Variants in PCDHA13 observed in about 807,000 individuals in gnomAD.
PCDHA13 encodes the protein protocadherin alpha-13.
Under a neutral mutation model 64.8 loss-of-function variants are expected in PCDHA13, and 54 were observed. The observed-to-expected ratio is 0.83, with a 90% confidence interval of 0.67 to 1.04. The LOEUF is 1.04. Ranked by LOEUF, PCDHA13 falls within the 50% of genes least tolerant of loss-of-function variation. The probability of loss-of-function intolerance (pLI) is 0.00; values close to 1 mark genes in which losing one functional copy is unlikely to be tolerated. For missense variants in PCDHA13, 1,248 were observed against 1,254.3 expected (o/e 0.99, Z 0.08); for synonymous variants, 587 against 564.4 (o/e 1.04, Z -0.57).
chr5:140,964,701 C>T (rs1228970267), intron 1 of PCDHA13, among the ~76,000 whole-genome samples: 2 of 151,776 alleles, frequency 1.3e-5, no homozygotes, highest in Non-Finnish European at 2.9e-5. Context: ...GAGATTAAGG[C>T]CTCCGAGATC....
intron 1 of PCDHA13, among the ~76,000 whole-genome samples, chr5:140,901,055 A>G (rs1454535703): frequency 6.6e-6 from 1 of 152,088 alleles, no homozygotes; most frequent in African/African-American, 2.4e-5. Context: ...AAATTAGATT[A>G]TTAGATTTTT....
chr5:140,976,888 A>G (rs1050816491), intron 1 of PCDHA13, among the ~76,000 whole-genome samples: 1 of 152,218 alleles, frequency 6.6e-6, no homozygotes, highest in African/African-American at 2.4e-5. Context: ...ATTAGGATAC[A>G]TGCAACAGTA....
At chr5:140,950,429 T>G (rs1339598073) in intron 1 of PCDHA13, among the ~76,000 whole-genome samples, 1 of 151,896 alleles carries the variant, frequency 6.6e-6, no homozygotes, top group Admixed American at 6.6e-5. Context: ...TTCTTCCACT[T>G]AAAAAAAATG....
At chr5:140,941,204 T>TTTCC (rs1348435161) in intron 1 of PCDHA13, among the ~76,000 whole-genome samples, 2 of 88,662 alleles carry the variant, frequency 2.3e-5, no homozygotes, top group Non-Finnish European at 4.4e-5. Flanking sequence ...TCTTTCTTCC[T>TTTCC]TTCTTTCTTC....
chr5:140,925,641 TATAATA>T (rs10569930), intron 1 of PCDHA13, among the ~76,000 whole-genome samples: 8,694 of 143,320 alleles, frequency 0.061, 267 homozygotes, highest in Non-Finnish European at 0.068. Flanking sequence ...GAACTTAAAG[TATAATA>T]ATAATAATAA....
intron 3 of PCDHA13, among the ~76,000 whole-genome samples, chr5:141,003,809 G>C (rs1554259330): frequency 6.6e-6 from 1 of 152,290 alleles, no homozygotes; most frequent in African/African-American, 2.4e-5. Flanking sequence ...GTAATCTGTA[G>C]TCTGGGAAGG....
At chr5:140,982,186 C>G (rs547938149) in intron 2 of PCDHA13, among the ~76,000 whole-genome samples, 34 of 152,372 alleles carry the variant, frequency 2.2e-4, no homozygotes, top group African/African-American at 7.7e-4. Context: ...CTCTGATGGG[C>G]TTCCTGTTAG....
intron 1 of PCDHA13, among the ~76,000 whole-genome samples, chr5:140,890,478 G>A (rs1358799219): frequency 1.3e-5 from 2 of 151,984 alleles, no homozygotes; most frequent in Non-Finnish European, 2.9e-5. Flanking sequence ...TTTTTTGTGC[G>A]TTATTTTTGT....
At chr5:140,993,468 AC>A (rs2097564676) in intron 3 of PCDHA13, among the ~76,000 whole-genome samples, 1 of 69,412 alleles carries the variant, frequency 1.4e-5, no homozygotes, top group South Asian at 5.5e-4. Context: ...TTTCTCACAC[AC>A]ACACACACAC....
chr5:140,978,150 C>T (rs1009630892), intron 1 of PCDHA13, among the ~76,000 whole-genome samples: 2 of 152,286 alleles, frequency 1.3e-5, no homozygotes, highest in South Asian at 4.2e-4. Context: ...TTGTTCTCCC[C>T]CTTCAGACTG....
chr5:140,907,109 C>T (rs6883830), intron 1 of PCDHA13, among the ~76,000 whole-genome samples: 5,598 of 152,160 alleles, frequency 0.037, 292 homozygotes, highest in African/African-American at 0.12. Flanking sequence ...CCACTTCCAC[C>T]CCTTGATTCC....
chr5:141,006,689 G>A (rs1249412460), intron 3 of PCDHA13, among the ~76,000 whole-genome samples: 2 of 152,072 alleles, frequency 1.3e-5, no homozygotes, highest in Non-Finnish European at 2.9e-5. Context: ...TGGGAGAAGA[G>A]GACAGAGTCA....
chr5:140,940,790 A>G (rs1337945408), intron 1 of PCDHA13, among the ~76,000 whole-genome samples: 3 of 152,176 alleles, frequency 2.0e-5, no homozygotes, highest in African/African-American at 7.2e-5. Context: ...TATCCTGAAA[A>G]TGATATTTGC....
At chr5:141,006,222 T>C (rs1463720721) in intron 3 of PCDHA13, among the ~76,000 whole-genome samples, 1 of 152,098 alleles carries the variant, frequency 6.6e-6, no homozygotes, top group Non-Finnish European at 1.5e-5. Flanking sequence ...TTTTAAATTT[T>C]TTATTTTTAG....
intron 1 of PCDHA13, chr5:140,926,329 A>G (rs1435633972): frequency 6.6e-6 from 1 of 152,150 alleles, no homozygotes; most frequent in Non-Finnish European, 1.5e-5. Flanking sequence ...CCGGGGTCAG[A>G]GCGCCGGGAC....
intron 1 of PCDHA13, among the ~76,000 whole-genome samples, chr5:140,910,536 C>G (rs1554194300): frequency 1.3e-5 from 2 of 152,168 alleles, no homozygotes; most frequent in African/African-American, 4.8e-5. Flanking sequence ...CCTCACAAAT[C>G]TATTTTGCAA....
At chr5:140,981,077 G>C (rs1178580802) in intron 2 of PCDHA13, among the ~76,000 whole-genome samples, 1 of 152,168 alleles carries the variant, frequency 6.6e-6, no homozygotes, top group Non-Finnish European at 1.5e-5. Flanking sequence ...GGGAAGAATA[G>C]TAAAAGGTCA....
At chr5:140,977,816 T>C (rs2096776197) in intron 1 of PCDHA13, among the ~76,000 whole-genome samples, 1 of 152,190 alleles carries the variant, frequency 6.6e-6, no homozygotes, top group Non-Finnish European at 1.5e-5. Flanking sequence ...TTATTGACAG[T>C]TTTGAATGGT....
intron 1 of PCDHA13, among the ~76,000 whole-genome samples, chr5:140,925,996 T>C (rs2082856637): frequency 6.6e-6 from 1 of 152,190 alleles, no homozygotes; most frequent in Non-Finnish European, 1.5e-5. Context: ...CTGGCTCCGC[T>C]GCCTCGAAAA....
Sources: gnomAD v4.1 joint callset for allele counts (sites outside exome capture counted in the v4.1 genomes callset) on GRCh38, gnomAD v4.1.1 for gene constraint, MANE v1.5 for transcripts, NCBI Gene and HGNC (gene_info 2026-07-23, HGNC 2026-07-21) for gene names.